PCYT1A: variants seen among roughly 807,000 people sequenced by gnomAD.
The protein encoded by PCYT1A is phosphate cytidylyltransferase 1A, choline.
A neutral mutation model predicts 43.7 loss-of-function variants in PCYT1A; 25 were observed. The observed-to-expected ratio is 0.57, with a 90% CI of 0.42 to 0.80. PCYT1A has a LOEUF of 0.80. Ranked by LOEUF, PCYT1A falls within the 30% of genes least tolerant of loss-of-function variation. The pLI, the probability that PCYT1A is intolerant of heterozygous loss-of-function variation, is 0.00. For synonymous variants in PCYT1A, 172 were observed against 170.7 expected, an observed-to-expected ratio of 1.01 and a Z score of -0.06; for missense variants, 421 against 474.2, an observed-to-expected ratio of 0.89 and a Z score of 1.04.
chr3:196,279,751 C>CA (rs1300539153), intron 1 of PCYT1A, among the ~76,000 whole-genome samples: 1 of 150,736 alleles, frequency 6.6e-6, no homozygotes, highest in East Asian at 1.9e-4. Flanking sequence ...AATCTAGGTG[C>CA]TGGCATGTCT....
chr3:196,244,351 A>G (rs1014203280), intron 5 of PCYT1A, among the ~76,000 whole-genome samples: 16 of 101,770 alleles, frequency 1.6e-4, no homozygotes, highest in East Asian at 3.5e-4. Flanking sequence ...CATCCCGTCT[A>G]GGAAGTGAGG....
intron 1 of PCYT1A, among the ~76,000 whole-genome samples, chr3:196,286,331 T>C (rs1725913858): frequency 6.6e-6 from 1 of 152,204 alleles, no homozygotes; most frequent in African/African-American, 2.4e-5. Context: ...CTCCTCCAGT[T>C]AGGCCAGGCT....
chr3:196,267,128 G>A (rs943337222), intron 2 of PCYT1A, among the ~76,000 whole-genome samples: 2 of 147,442 alleles, frequency 1.4e-5, no homozygotes, highest in African/African-American at 2.5e-5. Flanking sequence ...GCAGTGAGCC[G>A]AGATTGCGCC....
At position 196,277,237 on chromosome 3, in the gene PCYT1A, AT is replaced by A. The variant is rs760706419; in HGVS notation, c.-10-6697del. 2.6e-5 allele frequency among the ~76,000 whole-genome samples: 4 copies of A among 151,958 alleles called. No individual in the cohort carries two copies. Among genetic ancestry groups the A allele is most frequent in the African/African-American group, 4.8e-5 (2 of 41,334 alleles). On this transcript the variant is annotated intron_variant, in intron 1 of 8. Transcript: ENST00000431016. This position sits in a 1 kb window ranked among gnomAD's most constrained non-coding sequence, Gnocchi z 4.1. ...AAGAGTGAGACTCCATTTCAAAAAA[AT>A]ATATATATTTTTTTCTTTACCTGCT... is the stretch of plus-strand genomic sequence containing the variant.
chr3:196,271,453 T>C (rs1053335531), intron 1 of PCYT1A, among the ~76,000 whole-genome samples: 3 of 152,270 alleles, frequency 2.0e-5, no homozygotes, highest in African/African-American at 7.2e-5. Flanking sequence ...TCTTGCTAGG[T>C]TGTCCAGGCT....
intron 2 of PCYT1A, among the ~76,000 whole-genome samples, chr3:196,265,089 A>T (rs1725227880): frequency 2.6e-5 from 4 of 151,722 alleles, no homozygotes; most frequent in Non-Finnish European, 5.9e-5. Flanking sequence ...TTTGAGACAG[A>T]GTCTCGCTTT....
intron 3 of PCYT1A, 127 bp from the exon 4 acceptor site, chr3:196,248,450 C>A (rs2084775397): frequency 3.9e-6 from 2 of 518,966 alleles, no homozygotes; most frequent in Non-Finnish European, 7.1e-6. Flanking sequence ...CGGCTCACTG[C>A]AACTTCCGCC....
intron 3 of PCYT1A, among the ~76,000 whole-genome samples, chr3:196,255,229 G>A (rs1017755513): frequency 3.3e-5 from 5 of 152,180 alleles, no homozygotes; most frequent in African/African-American, 1.2e-4. Context: ...CAAATTTATA[G>A]GCTAATTTGT....
rs939883 is a variant in PCYT1A, at chr3:196,238,244, A to T, written c.*444T>A. On this transcript the variant is annotated 3_prime_UTR_variant, in exon 9 of 9. Coordinates refer to ENST00000431016, the MANE Select transcript of PCYT1A (RefSeq NM_001312673.2). ...TTTCGTGAAGGACTTGGCAAGCCAC[A>T]TAGCTTCAGAACGGAAGGCAAATGC... is the stretch of plus-strand genomic sequence containing the variant. 100,223 of 153,608 alleles carry T rather than the reference A, an allele frequency of 0.65. 33,041 individuals are homozygous for T. The highest frequency in any genetic ancestry group is 0.89 in the East Asian group (4,622 of 5,208). The allele number at this position is 153,608 out of a possible 1,614,324, so 9.5% of individuals were successfully genotyped here.
rs1291119068 is a variant in PCYT1A, at chr3:196,252,103, G to C, written c.218-3780C>G. ...ACAGCGCACCCCGCCACGCCCCGCA[G>C]ACTACAGCGCACCCCGCCACGCCCC... On this transcript the variant is annotated intron_variant, in intron 3 of 8. Transcript: ENST00000431016. The surrounding 1 kb of genome is among the most constrained non-coding windows in gnomAD (Gnocchi z 4.0). 6.6e-6 allele frequency among the ~76,000 whole-genome samples: 1 copy of C among 151,596 alleles called. No individual in the cohort carries two copies. Among genetic ancestry groups the C allele is most frequent in the Non-Finnish European group, 1.5e-5 (1 of 67,782 alleles).
chr3:196,257,937 A>C, intron 2 of PCYT1A, 50 bp from the exon 3 acceptor site: 2 of 1,021,392 alleles, frequency 2.0e-6, no homozygotes. Context: ...AATGGCATAC[A>C]CTGTAATACT....
At chr3:196,246,204 C>T (rs1053493172) in intron 5 of PCYT1A, among the ~76,000 whole-genome samples, 2 of 152,188 alleles carry the variant, frequency 1.3e-5, no homozygotes, top group Non-Finnish European at 2.9e-5. Flanking sequence ...CTCTTCAGGC[C>T]TACCCACGTA....
At chr3:196,272,188 C>CTT (rs199851752) in intron 1 of PCYT1A, among the ~76,000 whole-genome samples, 1,340 of 110,066 alleles carry the variant, frequency 0.012, 21 homozygotes, top group African/African-American at 0.037. Flanking sequence ...TCCTTCTTTC[C>CTT]TTTTTTTTTT....
intron 5 of PCYT1A, among the ~76,000 whole-genome samples, chr3:196,244,437 G>A (rs1349688963): frequency 2.0e-5 from 3 of 151,102 alleles, no homozygotes; most frequent in Non-Finnish European, 2.9e-5. Flanking sequence ...GGGATGTGAG[G>A]AGCTCCTCTG....
intron 2 of PCYT1A, chr3:196,267,224 C>G (rs1053490040): frequency 2.4e-6 from 1 of 413,254 alleles, no homozygotes; most frequent in African/African-American, 2.1e-5. Context: ...TGTTGCAGTA[C>G]GAATGAATCT....
chr3:196,241,435 G>A (rs924729480), intron 7 of PCYT1A: 17 of 1,079,824 alleles, frequency 1.6e-5, no homozygotes, highest in Middle Eastern at 2.6e-4. Flanking sequence ...CAGTCCTCCC[G>A]CCTCAGCCTC....
intron 7 of PCYT1A, among the ~76,000 whole-genome samples, chr3:196,241,131 TAAAAAAAAAAAAAAA>T (rs1209954920): frequency 1.2e-4 from 6 of 49,700 alleles, no homozygotes; most frequent in South Asian, 1.1e-3. Flanking sequence ...CCATCTCTGC[TAAAAAAAAAAAAAAA>T]AAAAAAAAAA....
rs921683106 is a variant in PCYT1A, at chr3:196,268,936, G to A, written c.117+1479C>T. On this transcript the variant is annotated intron_variant, in intron 2 of 8. Transcript: ENST00000431016. This position sits in a 1 kb window ranked among gnomAD's most constrained non-coding sequence, Gnocchi z 4.4. ...CCTTGTAAGTGAAAAGGGGAAGTAG[G>A]AGGTTCAGAATCAGAGCAGGAGACA... 8.5e-5 allele frequency among the ~76,000 whole-genome samples: 13 copies of A among 152,218 alleles called. No homozygotes were observed. Among genetic ancestry groups the A allele is most frequent in the Admixed American group, 3.3e-4 (5 of 15,284 alleles).
rs528796962 is a variant in PCYT1A, at chr3:196,268,130, A to C, written c.117+2285T>G. Reference sequence around the variant, plus strand: ...TAAGACTCCCCAGAAGAATTTAAAAAAAAAAAAGATTCCCAGAGTCTAAAG... The same window carrying C: ...TAAGACTCCCCAGAAGAATTTAAAACAAAAAAAGATTCCCAGAGTCTAAAG... On this transcript the variant is annotated intron_variant, in intron 2 of 8. Coordinates refer to ENST00000431016, the MANE Select transcript of PCYT1A (RefSeq NM_001312673.2). This position sits in a 1 kb window ranked among gnomAD's most constrained non-coding sequence, Gnocchi z 4.4. Among the ~76,000 whole-genome samples, 1 of 152,338 alleles carries C rather than the reference A, an allele frequency of 6.6e-6. No homozygotes were observed. Among genetic ancestry groups the C allele is most frequent in the South Asian group, 2.1e-4 (1 of 4,832 alleles).
Sources: allele counts gnomAD v4.1 joint callset (sites outside exome capture counted in the v4.1 genomes callset), GRCh38; gene constraint gnomAD v4.1.1; non-coding constraint Gnocchi (gnomAD v3.1); transcripts MANE v1.5; gene names NCBI Gene and HGNC (gene_info 2026-07-23, HGNC 2026-07-21).